AGBL1: variants seen among roughly 807,000 people sequenced by gnomAD.
AGBL1 encodes cytosolic carboxypeptidase 4.
A neutral mutation model predicts 118.9 loss-of-function variants in AGBL1; 130 were observed. That is an observed-to-expected ratio of 1.09 (90% CI 0.95 to 1.26). The LOEUF (loss-of-function observed/expected upper bound fraction) is 1.26. AGBL1 is among the 50% of genes most tolerant of loss of function. The pLI is 0.00. For synonymous variants in AGBL1, 555 were observed against 478.9 expected, an observed-to-expected ratio of 1.16 and a Z score of -2.08; for missense variants, 1,584 against 1,298.1, an observed-to-expected ratio of 1.22 and a Z score of -3.38.
chr15:86,552,421 G>A (rs2346732), intron 20 of AGBL1, among the ~76,000 whole-genome samples: 36,383 of 152,060 alleles, frequency 0.24, 5,120 homozygotes, highest in African/African-American at 0.39. Flanking sequence ...AAACTTTTGC[G>A]ACATGGTATG....
At chr15:86,642,512 A>T (rs1596331075) in intron 21 of AGBL1, among the ~76,000 whole-genome samples, 1 of 152,266 alleles carries the variant, frequency 6.6e-6, no homozygotes, top group East Asian at 1.9e-4. Flanking sequence ...TTTAAAAAAA[A>T]TTGTGTTAAA....
At chr15:86,713,031 C>G (rs2086585016) in intron 22 of AGBL1, among the ~76,000 whole-genome samples, 1 of 152,298 alleles carries the variant, frequency 6.6e-6, no homozygotes, top group South Asian at 2.1e-4. Context: ...GCTTGTGTGT[C>G]TGTTTCCCCA....
At chr15:86,132,740 G>A (rs140849293) in intron 1 of AGBL1, among the ~76,000 whole-genome samples, 6 of 152,254 alleles carry the variant, frequency 3.9e-5, no homozygotes, top group Non-Finnish European at 7.4e-5. Flanking sequence ...GAACGTGCCG[G>A]GCATTGTTGA....
chr15:86,679,347 C>G (rs1181607567), intron 22 of AGBL1, among the ~76,000 whole-genome samples: 1 of 151,932 alleles, frequency 6.6e-6, no homozygotes, highest in African/African-American at 2.4e-5. Flanking sequence ...TTTTGTTCAT[C>G]TAAAAAATGT....
At chr15:86,862,888 A>AT (rs2079578496) in intron 22 of AGBL1, among the ~76,000 whole-genome samples, 1 of 152,226 alleles carries the variant, frequency 6.6e-6, no homozygotes, top group Admixed American at 6.5e-5. Flanking sequence ...AAAATGCACT[A>AT]TGTAAGGAAA....
chr15:86,349,314 T>C (rs1462935416), intron 17 of AGBL1, among the ~76,000 whole-genome samples: 1 of 152,166 alleles, frequency 6.6e-6, no homozygotes, highest in Admixed American at 6.5e-5. Flanking sequence ...CAGTCTACAA[T>C]GCACAAGACA....
chr15:86,270,715 TGAGAA>T (rs1236169151), intron 14 of AGBL1, among the ~76,000 whole-genome samples: 1 of 152,226 alleles, frequency 6.6e-6, no homozygotes, highest in Admixed American at 6.5e-5. Flanking sequence ...CCTGTGGGTA[TGAGAA>T]GAGAAAATAT....
chr15:86,913,281 C>G lies in AGBL1; in HGVS notation c.*5987C>G, dbSNP rs567302272. ...GTGAGGGAAGGTTGATCCTCAGACA[C>G]ATGACACATGTTCATACAGGTGAGG... On this transcript the variant is annotated 3_prime_UTR_variant, in exon 23 of 23. Coordinates refer to ENST00000614907, the MANE Select transcript of AGBL1 (RefSeq NM_001386094.1). The G allele has an allele frequency of 6.6e-6, 1 of 152,096 alleles. No homozygotes were observed. The highest frequency in any genetic ancestry group is 1.5e-5 in the Non-Finnish European group (1 of 68,074). 9.4% of individuals were successfully genotyped at this position (152,096 alleles called of 1,614,324 possible). A position where few individuals can be genotyped will look rare whatever the true frequency, so the allele number is the denominator to read the frequency against.
intron 6 of AGBL1, among the ~76,000 whole-genome samples, chr15:86,231,215 G>T (rs1373077300): frequency 6.6e-6 from 1 of 152,082 alleles, no homozygotes; most frequent in Non-Finnish European, 1.5e-5. Flanking sequence ...GATTCTACTG[G>T]ATCCCCCATA....
intron 21 of AGBL1, among the ~76,000 whole-genome samples, chr15:86,610,738 TA>T (rs2084644006): frequency 6.6e-6 from 1 of 152,238 alleles, no homozygotes; most frequent in Admixed American, 6.5e-5. Flanking sequence ...AATCAGTACT[TA>T]ACTTCGCTTC....
At chr15:86,195,861 G>C (rs80178919) in intron 5 of AGBL1, among the ~76,000 whole-genome samples, 4,181 of 152,164 alleles carry the variant, frequency 0.027, 78 homozygotes, top group East Asian at 0.073. Context: ...TTAACTCAAG[G>C]TTTGTCATTT....
chr15:86,790,970 A>G (rs2078485243), intron 22 of AGBL1, among the ~76,000 whole-genome samples: 1 of 152,198 alleles, frequency 6.6e-6, no homozygotes, highest in South Asian at 2.1e-4. Context: ...CATGTAGCAG[A>G]TGACAGGAAG....
At chr15:86,730,788 A>G (rs545492549) in intron 22 of AGBL1, among the ~76,000 whole-genome samples, 1 of 152,314 alleles carries the variant, frequency 6.6e-6, no homozygotes, top group African/African-American at 2.4e-5. Context: ...ATTCCATGCA[A>G]AAGCAAAAAC....
chr15:86,439,370 AT>A (rs2082035280), intron 18 of AGBL1, among the ~76,000 whole-genome samples: 1 of 152,136 alleles, frequency 6.6e-6, no homozygotes, highest in African/African-American at 2.4e-5. Flanking sequence ...TAGAGATGAC[AT>A]CTCGTTCAGC....
intron 23 of AGBL1, among the ~76,000 whole-genome samples, chr15:86,944,662 T>C (rs2080795037): frequency 6.6e-6 from 1 of 152,226 alleles, no homozygotes; most frequent in South Asian, 2.1e-4. Context: ...ATAAGTAATC[T>C]GCATATTTTT....
chr15:86,691,351 T>G (rs2142604414), intron 22 of AGBL1, among the ~76,000 whole-genome samples: 1 of 152,280 alleles, frequency 6.6e-6, no homozygotes. Context: ...CTCACATGTG[T>G]TTTTAAATCT....
chr15:86,731,816 C>A (rs1567145310), intron 22 of AGBL1, among the ~76,000 whole-genome samples: 3 of 152,132 alleles, frequency 2.0e-5, no homozygotes, highest in African/African-American at 7.2e-5. Flanking sequence ...GCTTTGGAAG[C>A]CAGAAACTGG....
intron 17 of AGBL1, among the ~76,000 whole-genome samples, chr15:86,381,543 A>G (rs2081113351): frequency 1.3e-5 from 2 of 152,148 alleles, no homozygotes; most frequent in Admixed American, 6.5e-5. Flanking sequence ...CAAGACAGAT[A>G]GAAAAATCTA....
chr15:86,401,815 T>G (rs1300708366), intron 18 of AGBL1, among the ~76,000 whole-genome samples: 1 of 152,166 alleles, frequency 6.6e-6, no homozygotes, highest in African/African-American at 2.4e-5. Context: ...TACATGCCTA[T>G]TTTTATGCTA....
Sources: gnomAD v4.1 joint callset for allele counts (sites outside exome capture counted in the v4.1 genomes callset) on GRCh38, gnomAD v4.1.1 for gene constraint, MANE v1.5 for transcripts, NCBI Gene and HGNC (gene_info 2026-07-23, HGNC 2026-07-21) for gene names.